The following BMPR1B variants were observed in gnomAD, a reference collection of about 807,000 sequenced individuals.
BMPR1B encodes the protein bone morphogenetic protein receptor type-1B.
Under a neutral mutation model 59.1 loss-of-function variants are expected in BMPR1B, and 12 were observed. The ratio of observed to expected loss-of-function variants is 0.20; its 90% CI spans 0.13 to 0.33. The LOEUF (loss-of-function observed/expected upper bound fraction) is 0.33, where lower values mean the gene tolerates loss of function less well. Ranked by LOEUF, BMPR1B falls within the 10% of genes least tolerant of loss-of-function variation. The pLI is 1.00. For missense variants in BMPR1B, 550 were observed against 610.9 expected (o/e 0.90, Z 1.05); for synonymous variants, 237 against 207.3 (o/e 1.14, Z -1.23).
intron 2 of BMPR1B, among the ~76,000 whole-genome samples, chr4:94,908,884 T>G (rs1728170189): frequency 6.6e-6 from 1 of 152,096 alleles, no homozygotes; most frequent in Non-Finnish European, 1.5e-5. Flanking sequence ...AGGACTGCCG[T>G]AAGAAATTAC....
At chr4:94,958,659 A>T (rs1730245966) in intron 2 of BMPR1B, among the ~76,000 whole-genome samples, 4 of 152,114 alleles carry the variant, frequency 2.6e-5, no homozygotes, top group Admixed American at 2.6e-4. Flanking sequence ...ATATTCTGAG[A>T]CTTCATCGTA....
chr4:95,127,228 A>G (rs1394517267), intron 8 of BMPR1B, among the ~76,000 whole-genome samples: 1 of 152,178 alleles, frequency 6.6e-6, no homozygotes, highest in Non-Finnish European at 1.5e-5. Context: ...CAATCAATCT[A>G]AAAAGTTGGT....
chr4:95,087,472 C>G (rs558193171), intron 3 of BMPR1B, among the ~76,000 whole-genome samples: 1 of 151,988 alleles, frequency 6.6e-6, no homozygotes, highest in South Asian at 2.1e-4. Context: ...GGCTCACACC[C>G]GTAATCCCAG....
chr4:94,795,168 G>C, intron 1 of BMPR1B, among the ~76,000 whole-genome samples: 1 of 147,156 alleles, frequency 6.8e-6, no homozygotes, highest in African/African-American at 2.5e-5. Context: ...GTCATAGATA[G>C]CTCTTATTAT....
rs372391482 is a variant in BMPR1B, at chr4:94,841,012, G to A, written c.-182-34819G>A. Among the ~76,000 whole-genome samples, 843 of 144,274 alleles carry A rather than the reference G, an allele frequency of 5.8e-3. 82 individuals carry two copies. Among genetic ancestry groups the A allele is most frequent in the Non-Finnish European group, 7.0e-3 (451 of 64,624 alleles). The allele number at this position is 144,274 out of a possible 152,430, so 94.6% of individuals were successfully genotyped here. A position where few individuals can be genotyped will look rare whatever the true frequency, so the allele number is the denominator to read the frequency against. ...GACCCTCAGCTGCAGGTCTGTTGGA[G>A]TACCCTGCCGTGTGAGGTGTCAGTG... On this transcript the variant is annotated intron_variant, in intron 1 of 12. Transcript: ENST00000515059.
intron 1 of BMPR1B, among the ~76,000 whole-genome samples, chr4:94,830,306 T>C (rs767771179): frequency 7.9e-5 from 12 of 152,242 alleles, no homozygotes; most frequent in Non-Finnish European, 1.6e-4. Context: ...TATGTGATTA[T>C]AGAATTCTAT....
intron 12 of BMPR1B, among the ~76,000 whole-genome samples, chr4:95,153,798 C>T (rs190986029): frequency 1.3e-5 from 2 of 152,140 alleles, no homozygotes; most frequent in African/African-American, 4.8e-5. Flanking sequence ...TGCAATGAGC[C>T]AGGATCATGA....
intron 2 of BMPR1B, among the ~76,000 whole-genome samples, chr4:94,926,777 A>G (rs3775024): frequency 0.35 from 53,713 of 151,942 alleles, 9,751 homozygotes; most frequent in South Asian, 0.47. Flanking sequence ...GTTAAAAATA[A>G]TACCTTCAAT....
At chr4:95,145,976 T>C (rs996046107) in intron 10 of BMPR1B, among the ~76,000 whole-genome samples, 1 of 152,238 alleles carries the variant, frequency 6.6e-6, no homozygotes, top group Non-Finnish European at 1.5e-5. Context: ...TAAACAAACC[T>C]TTTCCTTCTT....
intron 1 of BMPR1B, among the ~76,000 whole-genome samples, chr4:94,768,849 A>G (rs17022120): frequency 0.051 from 7,735 of 152,268 alleles, 411 homozygotes; most frequent in African/African-American, 0.13. Flanking sequence ...ATGTATTTCC[A>G]TAGCAAAAAT....
At chr4:94,889,284 C>G (rs1282797348) in intron 2 of BMPR1B, among the ~76,000 whole-genome samples, 10 of 151,700 alleles carry the variant, frequency 6.6e-5, no homozygotes, top group Admixed American at 5.3e-4. Flanking sequence ...ACATTTTTTC[C>G]AGTAATAATA....
intron 1 of BMPR1B, among the ~76,000 whole-genome samples, chr4:94,762,672 C>T (rs1379649698): frequency 6.6e-6 from 1 of 152,056 alleles, no homozygotes; most frequent in African/African-American, 2.4e-5. Context: ...GAGAAGTGAA[C>T]AAATATGATT....
chr4:95,028,861 T>G (rs1724606426), intron 3 of BMPR1B, among the ~76,000 whole-genome samples: 1 of 151,940 alleles, frequency 6.6e-6, no homozygotes, highest in South Asian at 2.1e-4. Flanking sequence ...ATATAAAGTT[T>G]AAAATATGAT....
intron 1 of BMPR1B, among the ~76,000 whole-genome samples, chr4:94,813,906 A>G (rs114390935): frequency 0.015 from 2,243 of 152,308 alleles, 30 homozygotes; most frequent in South Asian, 0.022. Flanking sequence ...AGGAAACAAT[A>G]TCAAAGCAAG....
intron 1 of BMPR1B, among the ~76,000 whole-genome samples, chr4:94,873,919 C>A (rs554437137): frequency 2.6e-5 from 4 of 152,068 alleles, no homozygotes; most frequent in Non-Finnish European, 4.4e-5. Flanking sequence ...GCCACAAGCC[C>A]CATTTTCTTT....
At chr4:95,034,869 C>G (rs115135623) in intron 3 of BMPR1B, among the ~76,000 whole-genome samples, 1 of 151,816 alleles carries the variant, frequency 6.6e-6, no homozygotes, top group African/African-American at 2.4e-5. Context: ...TCTTCTATAG[C>G]GGTTGTACTA....
chr4:94,856,667 G>A (rs1199299455), intron 1 of BMPR1B, among the ~76,000 whole-genome samples: 1 of 152,174 alleles, frequency 6.6e-6, no homozygotes, highest in Non-Finnish European at 1.5e-5. Context: ...GCATTGAAAA[G>A]GGATGTCTAT....
intron 1 of BMPR1B, among the ~76,000 whole-genome samples, chr4:94,835,272 G>C (rs1033290852): frequency 3.9e-5 from 6 of 152,172 alleles, no homozygotes; most frequent in African/African-American, 4.8e-5. Context: ...CGAGCTCAAG[G>C]GATCCTCCTG....
chr4:94,869,061 C>T (rs1726369388), intron 1 of BMPR1B, among the ~76,000 whole-genome samples: 1 of 150,440 alleles, frequency 6.6e-6, no homozygotes. Context: ...TAAAATTAAA[C>T]TCCATGATTT....
Sources: gnomAD v4.1 joint callset for allele counts (sites outside exome capture counted in the v4.1 genomes callset) on GRCh38, gnomAD v4.1.1 for gene constraint, MANE v1.5 for transcripts, NCBI Gene and HGNC (gene_info 2026-07-23, HGNC 2026-07-21) for gene names.